The following SLC35F4 variants were observed in gnomAD, a reference collection of about 807,000 sequenced individuals.
The protein encoded by SLC35F4 is solute carrier family 35 member F4.
In SLC35F4, 24 loss-of-function variants were observed where a neutral mutation model predicts 44.2. The observed-to-expected ratio is 0.54, with a 90% CI of 0.39 to 0.76. The LOEUF (loss-of-function observed/expected upper bound fraction) is 0.76. SLC35F4 is among the 30% of genes least tolerant of loss of function. SLC35F4 has a pLI of 0.00. For missense variants in SLC35F4, 562 were observed against 586.1 expected (o/e 0.96, Z 0.42); for synonymous variants, 238 against 223.6 (o/e 1.06, Z -0.57).
intron 1 of SLC35F4, among the ~76,000 whole-genome samples, chr14:57,783,733 C>G (rs915811820): frequency 2.0e-5 from 3 of 152,142 alleles, no homozygotes; most frequent in African/African-American, 7.2e-5. Flanking sequence ...AATGGCCCAG[C>G]CACCCAGAAT....
At chr14:57,867,906 TACAC>T (rs1036261304), upstream of SLC35F4, among the ~76,000 whole-genome samples, 1 of 152,082 alleles carries the variant, frequency 6.6e-6, no homozygotes, top group African/African-American at 2.4e-5. Flanking sequence ...TACACATACA[TACAC>T]ACACACATAT....
chr14:57,569,587 G>A (rs1374626213), intron 6 of SLC35F4, among the ~76,000 whole-genome samples: 1 of 152,154 alleles, frequency 6.6e-6, no homozygotes, highest in Non-Finnish European at 1.5e-5. Context: ...TAACTCATGG[G>A]AGGCATACTA....
intron 1 of SLC35F4, among the ~76,000 whole-genome samples, chr14:57,876,548 T>C (rs1888403998): frequency 6.6e-6 from 1 of 152,192 alleles, no homozygotes; most frequent in African/African-American, 2.4e-5. Flanking sequence ...TTCTGCCATA[T>C]AAAAATTACA....
At chr14:57,914,451 T>C (rs1889277517) in intron 1 of SLC35F4, among the ~76,000 whole-genome samples, 1 of 151,952 alleles carries the variant, frequency 6.6e-6, no homozygotes, top group Non-Finnish European at 1.5e-5. Flanking sequence ...TAGTCTCAGC[T>C]ACTCGGGAGG....
At chr14:57,880,067 AG>A (rs1566919998) in intron 1 of SLC35F4, among the ~76,000 whole-genome samples, 13 of 125,758 alleles carry the variant, frequency 1.0e-4, no homozygotes, top group African/African-American at 4.0e-4. Flanking sequence ...GAAGGAAGGA[AG>A]GAAGGAAGGA....
chr14:57,865,900 GC>G lies in SLC35F4; in HGVS notation c.-76del. On this transcript the variant is annotated 5_prime_UTR_variant, in exon 1 of 8. Transcript: ENST00000556826. ...GCGGGGCCCGGGAGCTGGTGCAGGTGCCGGAGCCGCTGGTGCTGATCTTGCA... is the reference window on the plus strand; with the variant it reads ...GCGGGGCCCGGGAGCTGGTGCAGGTGCGGAGCCGCTGGTGCTGATCTTGCA... 1.9e-6 allele frequency: 2 copies of G among 1,050,572 alleles called. No homozygotes were observed. Among genetic ancestry groups the G allele is most frequent in the Non-Finnish European group, 2.6e-6 (2 of 754,784 alleles). The allele number at this position is 1,050,572 out of a possible 1,614,324, so 65.1% of individuals were successfully genotyped here.
intron 1 of SLC35F4, among the ~76,000 whole-genome samples, chr14:57,651,759 TGTA>T (rs2140203133): frequency 6.6e-6 from 1 of 152,232 alleles, no homozygotes; most frequent in South Asian, 2.1e-4. Flanking sequence ...CCTACAGTTC[TGTA>T]GTTCTGAGCT....
At chr14:57,686,764 C>A (rs2075078884) in intron 1 of SLC35F4, among the ~76,000 whole-genome samples, 1 of 151,972 alleles carries the variant, frequency 6.6e-6, no homozygotes, top group Non-Finnish European at 1.5e-5. Context: ...AAATGTGGAT[C>A]CCAACATAAT....
At chr14:57,936,436 G>A (rs957906454) in intron 1 of SLC35F4, among the ~76,000 whole-genome samples, 1 of 152,212 alleles carries the variant, frequency 6.6e-6, no homozygotes, top group African/African-American at 2.4e-5. Flanking sequence ...GCAAAGACTG[G>A]CAGCGCCACT....
chr14:57,585,384 C>T (rs1182711173), intron 3 of SLC35F4, among the ~76,000 whole-genome samples: 2 of 152,166 alleles, frequency 1.3e-5, no homozygotes, highest in Admixed American at 6.5e-5. Context: ...CAGCCAATAT[C>T]ATACTGAATG....
At chr14:57,825,415 C>G (rs1017309069) in intron 1 of SLC35F4, among the ~76,000 whole-genome samples, 1 of 152,132 alleles carries the variant, frequency 6.6e-6, no homozygotes, top group African/African-American at 2.4e-5. Context: ...TGAGTCTGTT[C>G]TAATACTGGG....
intron 1 of SLC35F4, among the ~76,000 whole-genome samples, chr14:57,726,808 GT>G (rs2140456153): frequency 6.6e-6 from 1 of 152,300 alleles, no homozygotes; most frequent in Admixed American, 6.5e-5. Context: ...CTGTGATGGT[GT>G]TGCCAAAGGA....
At chr14:57,893,947 T>G (rs1220053335) in intron 1 of SLC35F4, among the ~76,000 whole-genome samples, 1 of 152,124 alleles carries the variant, frequency 6.6e-6, no homozygotes, top group Non-Finnish European at 1.5e-5. Context: ...TCAAAAGTAT[T>G]TTGGTTTAAT....
At chr14:57,714,440 C>T (rs2075888517) in intron 1 of SLC35F4, among the ~76,000 whole-genome samples, 1 of 152,032 alleles carries the variant, frequency 6.6e-6, no homozygotes, top group Admixed American at 6.6e-5. Flanking sequence ...TCTGTGAATC[C>T]AATTCCTTTA....
chr14:57,877,750 T>C (rs774967106), intron 1 of SLC35F4, among the ~76,000 whole-genome samples: 8 of 138,480 alleles, frequency 5.8e-5, no homozygotes, highest in Non-Finnish European at 1.2e-4. Flanking sequence ...CAGTGGCAGA[T>C]CTCAGCTCAC....
At chr14:57,960,580 T>C (rs188540523) in intron 1 of SLC35F4, among the ~76,000 whole-genome samples, 65 of 152,274 alleles carry the variant, frequency 4.3e-4, no homozygotes, top group Middle Eastern at 3.4e-3. Context: ...ACATAATCAA[T>C]AGGCCTTGGA....
intron 1 of SLC35F4, among the ~76,000 whole-genome samples, chr14:57,756,249 C>A (rs1292326643): frequency 6.6e-6 from 1 of 152,162 alleles, no homozygotes; most frequent in Non-Finnish European, 1.5e-5. Flanking sequence ...GTGTCACACA[C>A]CTTTTGGTGG....
chr14:57,593,989 T>C lies in SLC35F4; in HGVS notation c.239A>G (p.Gln80Arg), dbSNP rs145246618. The change falls in exon 2 of 8, where the codon CAA (glutamine) becomes CGA (arginine). Residue 80 changes from glutamine to arginine, a missense_variant. Gln to Arg is a conservative substitution (Grantham distance 43). Transcript: ENST00000556826. ...SSAPILELQN[Q>R]GSSGVCGHRV... ...GTGTCCACAAACTCCTGAGGATCCT[T>C]GGTTTTGAAGTTCAAGAATAGGAGC... The C allele has an allele frequency of 4.4e-4, 705 of 1,613,864 alleles. 2 individuals carry two copies. In the African/African-American group the frequency reaches 5.1e-3, roughly 12 times the overall value.
At chr14:57,780,306 C>T (rs1000865151) in intron 1 of SLC35F4, among the ~76,000 whole-genome samples, 3 of 151,944 alleles carry the variant, frequency 2.0e-5, no homozygotes, top group Non-Finnish European at 2.9e-5. Context: ...AAGCCAAGGG[C>T]CAAATCAACA....
Sources: gnomAD v4.1 joint callset for allele counts (sites outside exome capture counted in the v4.1 genomes callset) on GRCh38, gnomAD v4.1.1 for gene constraint, MANE v1.5 for transcripts, NCBI Gene and HGNC (gene_info 2026-07-23, HGNC 2026-07-21) for gene names.